The following IL16 variants were observed in gnomAD, a reference collection of about 807,000 sequenced individuals.
The protein encoded by IL16 is pro-interleukin-16.
In IL16, 67 loss-of-function variants were observed where a neutral mutation model predicts 110.1. The observed-to-expected ratio is 0.61, with a 90% CI of 0.50 to 0.75. IL16 has a LOEUF of 0.75. Ranked by LOEUF, IL16 falls within the 30% of genes least tolerant of loss-of-function variation. IL16 has a pLI of 0.00. For synonymous variants in IL16, 689 were observed against 662.9 expected (o/e 1.04, Z -0.61); for missense variants, 1,545 against 1,655.0 (o/e 0.93, Z 1.15).
intron 1 of IL16, among the ~76,000 whole-genome samples, chr15:81,202,903 G>T (rs999011851): frequency 1.3e-5 from 2 of 152,106 alleles, no homozygotes; most frequent in African/African-American, 4.8e-5. Context: ...TCGCCACACT[G>T]ACTTCCACAA....
chr15:81,233,396 T>C (rs913162146), intron 2 of IL16, among the ~76,000 whole-genome samples: 2 of 152,014 alleles, frequency 1.3e-5, no homozygotes, highest in Non-Finnish European at 2.9e-5. Context: ...TTTTTAGGCA[T>C]TGGTAAAAAC....
At position 81,265,721 on chromosome 15, in the gene IL16, A is replaced by C. The variant is rs751791636; in HGVS notation, c.484A>C (p.Thr162Pro). 1.2e-6 allele frequency: 2 copies of C among 1,613,832 alleles called. No individual in the cohort carries two copies. Residue 162 changes from threonine (T) to proline (P), a missense_variant, in exon 4 of 19, where the codon ACG (threonine) becomes CCG (proline). Around this residue, in one of 3 missense-constraint regions of IL16, gnomAD observed 1,185 missense variants for 1,238.8 expected, o/e 0.96. Transcript: ENST00000683961. Reference sequence around the variant, plus strand: ...AATGACCAAGAAATCTGCAGCGCCCACGGACAGGCAGCCTTACTCTCTCTG... The same window carrying C: ...AATGACCAAGAAATCTGCAGCGCCCCCGGACAGGCAGCCTTACTCTCTCTG... ...FPMTKKSAAP[T>P]DRQPYSLCSN...
intron 10 of IL16, chr15:81,290,173 G>C (rs1899644419): frequency 4.3e-6 from 2 of 462,290 alleles, no homozygotes; most frequent in Non-Finnish European, 7.7e-6. Context: ...TGGTAACTTT[G>C]CCTAGAATTT....
chr15:81,261,552 G>T (rs1042936565), intron 3 of IL16, among the ~76,000 whole-genome samples: 2 of 152,254 alleles, frequency 1.3e-5, no homozygotes, highest in Admixed American at 6.5e-5. Flanking sequence ...GTGGCCTGTC[G>T]GTTCCAGTGC....
chr15:81,183,247 G>T (rs561953798), intron 1 of IL16, among the ~76,000 whole-genome samples: 8 of 152,326 alleles, frequency 5.3e-5, no homozygotes, highest in Non-Finnish European at 8.8e-5. Flanking sequence ...TCTTCAAGGG[G>T]CAGAGGCATC....
intron 3 of IL16, among the ~76,000 whole-genome samples, chr15:81,264,243 C>G (rs756737995): frequency 2.6e-4 from 40 of 152,136 alleles, no homozygotes; most frequent in Non-Finnish European, 3.4e-4. Flanking sequence ...GCAGTTGGTC[C>G]CTGTAACTCA....
At chr15:81,199,624 G>A (rs1329149818) in intron 1 of IL16, among the ~76,000 whole-genome samples, 3 of 152,196 alleles carry the variant, frequency 2.0e-5, no homozygotes, top group Non-Finnish European at 4.4e-5. Flanking sequence ...CAGCAGCTAA[G>A]ACATGGCTAC....
intron 2 of IL16, among the ~76,000 whole-genome samples, chr15:81,242,226 T>C (rs1897362091): frequency 6.6e-6 from 1 of 152,158 alleles, no homozygotes; most frequent in Non-Finnish European, 1.5e-5. Flanking sequence ...TGTAATCCCT[T>C]TGCATTTACA....
chr15:81,255,461 C>T (rs561760030), intron 2 of IL16, among the ~76,000 whole-genome samples: 4 of 152,336 alleles, frequency 2.6e-5, no homozygotes, highest in African/African-American at 9.6e-5. Context: ...AGGGAACAAC[C>T]TTCTGTCATC....
intron 8 of IL16, 85 bp from the exon 9 acceptor site, chr15:81,282,554 C>A: frequency 1.1e-6 from 1 of 932,802 alleles, no homozygotes; most frequent in Non-Finnish European, 1.7e-6. Flanking sequence ...AACCAGGGGG[C>A]CATGTCTGTG....
At chr15:81,228,811 TCTGA>T (rs1896876883) in intron 2 of IL16, among the ~76,000 whole-genome samples, 2 of 152,228 alleles carry the variant, frequency 1.3e-5, no homozygotes, top group African/African-American at 2.4e-5. Flanking sequence ...GGCTCATTAA[TCTGA>T]CTGCCTAGGT....
rs1897365357 is a variant in IL16, at chr15:81,242,321, T to C, written c.312+16610T>C. On this transcript the variant is annotated intron_variant, in intron 2 of 18. Transcript: ENST00000683961. ...GAATTGCGTTAAACCAGCATATCAGTTTGGGAAGAATTAATCTTTACTATG... is the reference window on the plus strand; with the variant it reads ...GAATTGCGTTAAACCAGCATATCAGCTTGGGAAGAATTAATCTTTACTATG... 2.6e-5 allele frequency among the ~76,000 whole-genome samples: 4 copies of C among 152,304 alleles called. No individual in the cohort carries two copies. The South Asian group carries it at 8.3e-4, about 32-fold the overall frequency.
At chr15:81,202,894 C>G (rs571301731) in intron 1 of IL16, among the ~76,000 whole-genome samples, 1 of 152,076 alleles carries the variant, frequency 6.6e-6, no homozygotes, top group Non-Finnish European at 1.5e-5. Context: ...CCTGAGGAAT[C>G]GCCACACTGA....
At chr15:81,208,038 T>A (rs1187677817) in intron 1 of IL16, among the ~76,000 whole-genome samples, 1 of 152,244 alleles carries the variant, frequency 6.6e-6, no homozygotes, top group Non-Finnish European at 1.5e-5. Flanking sequence ...CACCAGCATC[T>A]GTTGTCTGTT....
chr15:81,305,727 G>A (rs1900517319), intron 16 of IL16, 181 bp from the exon 17 acceptor site: 1 of 672,018 alleles, frequency 1.5e-6, no homozygotes, highest in South Asian at 1.9e-5. Context: ...TCTCTGCTCT[G>A]GATGGAGAAG....
intron 16 of IL16, among the ~76,000 whole-genome samples, chr15:81,305,335 T>C (rs2141635230): frequency 1.3e-5 from 2 of 152,282 alleles, no homozygotes; most frequent in Admixed American, 1.3e-4. Flanking sequence ...GAGCTTTTGT[T>C]TCACCCAGTA....
intron 11 of IL16, chr15:81,292,065 C>T (rs1899745673): frequency 4.6e-6 from 2 of 431,814 alleles, no homozygotes; most frequent in Admixed American, 5.1e-5. Context: ...GAGGTGCACA[C>T]CCAACAGCTT....
At chr15:81,221,885 T>C (rs2142025225) in intron 1 of IL16, among the ~76,000 whole-genome samples, 1 of 152,262 alleles carries the variant, frequency 6.6e-6, no homozygotes, top group East Asian at 1.9e-4. Flanking sequence ...CATCAGACAC[T>C]CCTGCAAATG....
chr15:81,243,164 T>TATATACATATATATATATATATATA (rs60077602), intron 2 of IL16, among the ~76,000 whole-genome samples: 9 of 15,762 alleles, frequency 5.7e-4, no homozygotes, highest in East Asian at 1.3e-3. Flanking sequence ...TATATATATA[T>TATATACATATATATATATATATATA]TTTTTTTTTT....
Sources: allele counts gnomAD v4.1 joint callset (sites outside exome capture counted in the v4.1 genomes callset), GRCh38; gene constraint gnomAD v4.1.1; regional missense constraint gnomAD v4.1.1; transcripts MANE v1.5; gene names NCBI Gene and HGNC (gene_info 2026-07-23, HGNC 2026-07-21).